The following SPRR2B variants were observed in gnomAD, a reference collection of about 807,000 sequenced individuals.
SPRR2B encodes small proline-rich protein 2B.
In SPRR2B, 1 loss-of-function variant was observed where a neutral mutation model predicts 1.0. That is an observed-to-expected ratio of 1.01 (90% CI 0.36 to 4.77). The LOEUF is 4.77. Ranked by LOEUF, SPRR2B falls within the 30% of genes most tolerant of loss-of-function variation. The pLI, the probability that SPRR2B is intolerant of heterozygous loss-of-function variation, is 0.16. For synonymous variants in SPRR2B, 27 were observed against 33.4 expected, an observed-to-expected ratio of 0.81 and a Z score of 0.66; for missense variants, 53 against 88.7, an observed-to-expected ratio of 0.60 and a Z score of 1.62.
the SPRR2B span, among the ~76,000 whole-genome samples, chr1:153,079,908 G>T: frequency 7.9e-5 from 12 of 151,928 alleles, no homozygotes; most frequent in African/African-American, 2.9e-4. Flanking sequence ...GAAGAAAGTC[G>T]TTGGTAACTT....
chr1:153,073,065 C>T (rs189527942), upstream of SPRR2B, among the ~76,000 whole-genome samples: 37 of 152,314 alleles, frequency 2.4e-4, no homozygotes, highest in East Asian at 7.7e-4. Flanking sequence ...AGAGCAAGAG[C>T]GCTGAATCAA....
At chr1:153,079,444 C>T in the SPRR2B span, among the ~76,000 whole-genome samples, 1 of 152,142 alleles carries the variant, frequency 6.6e-6, no homozygotes, top group African/African-American at 2.4e-5. Context: ...TTGCCCATGC[C>T]TATGTACTGA....
At chr1:153,087,637 A>G in the SPRR2B span, among the ~76,000 whole-genome samples, 1 of 151,248 alleles carries the variant, frequency 6.6e-6, no homozygotes, top group Non-Finnish European at 1.5e-5. Context: ...ATAAGCTAGA[A>G]AATATAGAAA....
chr1:153,077,609 CT>C, the SPRR2B span, among the ~76,000 whole-genome samples: 1,656 of 149,972 alleles, frequency 0.011, 28 homozygotes, highest in African/African-American at 0.038. Context: ...GTCAAATTTT[CT>C]TTTTTTTTCT....
chr1:153,081,244 C>A, the SPRR2B span, among the ~76,000 whole-genome samples: 502 of 152,226 alleles, frequency 3.3e-3, 4 homozygotes, highest in Middle Eastern at 0.048. Flanking sequence ...TTCAGTGACA[C>A]CCAGCGTGAC....
chr1:153,082,315 T>G, the SPRR2B span, among the ~76,000 whole-genome samples: 1 of 152,112 alleles, frequency 6.6e-6, no homozygotes. Context: ...TGCAAATGAA[T>G]TAAATTCTCC....
At chr1:153,078,945 T>A in the SPRR2B span, among the ~76,000 whole-genome samples, 1 of 152,118 alleles carries the variant, frequency 6.6e-6, no homozygotes, top group African/African-American at 2.4e-5. Context: ...CACACTGAAT[T>A]CCACAATCGT....
chr1:153,077,484 C>A, the SPRR2B span, among the ~76,000 whole-genome samples: 1 of 151,846 alleles, frequency 6.6e-6, no homozygotes, highest in African/African-American at 2.4e-5. Context: ...TTTTTATTTT[C>A]TACAAGATTT....
At chr1:153,077,717 G>A in the SPRR2B span, among the ~76,000 whole-genome samples, 14 of 151,838 alleles carry the variant, frequency 9.2e-5, no homozygotes, top group Non-Finnish European at 1.5e-5. Context: ...CTGGGCTCAA[G>A]CTATTATCTT....
At chr1:153,072,453 C>T (rs947063648), upstream of SPRR2B, among the ~76,000 whole-genome samples, 6 of 152,092 alleles carry the variant, frequency 3.9e-5, no homozygotes, top group African/African-American at 1.4e-4. Flanking sequence ...TTGAACCATG[C>T]CTATATCTTT....
At chr1:153,077,059 C>T in the SPRR2B span, among the ~76,000 whole-genome samples, 8 of 152,154 alleles carry the variant, frequency 5.3e-5, no homozygotes, top group Non-Finnish European at 1.0e-4. Context: ...CCATGACACA[C>T]ATTACAATCA....
At chr1:153,071,851 C>T (rs1181768850), upstream of SPRR2B, among the ~76,000 whole-genome samples, 1 of 152,186 alleles carries the variant, frequency 6.6e-6, no homozygotes, top group Non-Finnish European at 1.5e-5. Context: ...CAAGGGCTCT[C>T]TTTCTTGATT....
chr1:153,072,072 C>T (rs1425720636), upstream of SPRR2B, among the ~76,000 whole-genome samples: 1 of 152,146 alleles, frequency 6.6e-6, no homozygotes, highest in Admixed American at 6.5e-5. Flanking sequence ...GGTCAACTCT[C>T]CTCTCTGGAA....
At chr1:153,075,339 C>G (rs899012819), upstream of SPRR2B, among the ~76,000 whole-genome samples, 15 of 151,110 alleles carry the variant, frequency 9.9e-5, no homozygotes, top group Non-Finnish European at 1.5e-5. Flanking sequence ...AAGACTCTAT[C>G]TCAAAAAAAA....
the SPRR2B span, among the ~76,000 whole-genome samples, chr1:153,079,846 G>C: frequency 6.6e-6 from 1 of 151,924 alleles, no homozygotes; most frequent in Admixed American, 6.6e-5. Context: ...TTGGCAATGC[G>C]GGCTCTTTTT....
chr1:153,073,366 G>T (rs562639165), upstream of SPRR2B, among the ~76,000 whole-genome samples: 1 of 152,186 alleles, frequency 6.6e-6, no homozygotes, highest in East Asian at 1.9e-4. Context: ...TCTTTTTTCT[G>T]CCATGCAAAA....
upstream of SPRR2B, among the ~76,000 whole-genome samples, chr1:153,076,291 A>G (rs759815550): frequency 5.3e-5 from 8 of 152,174 alleles, no homozygotes; most frequent in Non-Finnish European, 1.0e-4. Context: ...TATTTTCTCC[A>G]TATGTTAGAT....
the SPRR2B span, among the ~76,000 whole-genome samples, chr1:153,080,603 T>C: frequency 6.6e-6 from 1 of 152,036 alleles, no homozygotes; most frequent in South Asian, 2.1e-4. Context: ...AACACAAAAT[T>C]GTGAAAAAAA....
chr1:153,083,066 T>G, the SPRR2B span, among the ~76,000 whole-genome samples: 2 of 152,192 alleles, frequency 1.3e-5, no homozygotes, highest in African/African-American at 4.8e-5. Context: ...GAGAAAGCTA[T>G]AAATAATTCT....
Sources: allele counts gnomAD v4.1 joint callset (sites outside exome capture counted in the v4.1 genomes callset), GRCh38; gene constraint gnomAD v4.1.1; transcripts MANE v1.5; gene names NCBI Gene and HGNC (gene_info 2026-07-23, HGNC 2026-07-21).